DAB1: variants seen among roughly 807,000 people sequenced by gnomAD.
DAB1 encodes disabled homolog 1.
DAB1 carries 15 observed loss-of-function variants against 64.6 expected under a neutral mutation model. That is an observed-to-expected ratio of 0.23 (90% confidence interval 0.16 to 0.36). The LOEUF is 0.36. DAB1 is among the 10% of genes least tolerant of loss of function. DAB1 has a pLI of 1.00. For synonymous variants in DAB1, 235 were observed against 251.9 expected (o/e 0.93, Z 0.64); for missense variants, 596 against 706.7 (o/e 0.84, Z 1.78).
intron 7 of DAB1, among the ~76,000 whole-genome samples, chr1:57,485,437 T>A (rs1342974122): frequency 6.6e-6 from 1 of 152,220 alleles, no homozygotes; most frequent in Non-Finnish European, 1.5e-5. Flanking sequence ...ATAAGTAAGA[T>A]AATGCATGTA....
At chr1:58,433,592 A>AGTGT (rs1266210842) in intron 3 of DAB1, among the ~76,000 whole-genome samples, 171 of 100,778 alleles carry the variant, frequency 1.7e-3, no homozygotes, top group Middle Eastern at 4.9e-3. Context: ...AGAGAGAGAG[A>AGTGT]GAGAGTGTGT....
At chr1:58,267,334 G>A (rs1661194475) in intron 4 of DAB1, among the ~76,000 whole-genome samples, 1 of 152,178 alleles carries the variant, frequency 6.6e-6, no homozygotes, top group Non-Finnish European at 1.5e-5. Flanking sequence ...AGACAGAGAT[G>A]CTCAAAAAGT....
intron 1 of DAB1, among the ~76,000 whole-genome samples, chr1:57,412,237 C>T (rs1284047301): frequency 6.6e-6 from 1 of 152,204 alleles, no homozygotes; most frequent in Non-Finnish European, 1.5e-5. Context: ...TTCCTCTGGC[C>T]TCCCAATTCA....
intron 3 of DAB1, among the ~76,000 whole-genome samples, chr1:58,458,336 C>T (rs1645210616): frequency 6.6e-6 from 1 of 152,164 alleles, no homozygotes; most frequent in Admixed American, 6.5e-5. Context: ...TTGCCTCTAC[C>T]CCTCAAAGAT....
intron 1 of DAB1, among the ~76,000 whole-genome samples, chr1:57,317,209 G>C (rs958144690): frequency 1.3e-5 from 2 of 152,078 alleles, no homozygotes; most frequent in Non-Finnish European, 2.9e-5. Context: ...AGGAACTGAG[G>C]TCCACCAACG....
At chr1:58,399,744 A>C (rs1158824278) in intron 3 of DAB1, among the ~76,000 whole-genome samples, 1 of 152,200 alleles carries the variant, frequency 6.6e-6, no homozygotes, top group African/African-American at 2.4e-5. Context: ...CAACACTTTA[A>C]TCCTACAACA....
At chr1:57,591,504 G>A (rs549630934) in intron 7 of DAB1, among the ~76,000 whole-genome samples, 1 of 152,104 alleles carries the variant, frequency 6.6e-6, no homozygotes, top group Admixed American at 6.5e-5. Flanking sequence ...TTCTGACTGG[G>A]GTCAGTGTAT....
chr1:58,126,453 TTC>T (rs1160976299), intron 5 of DAB1, among the ~76,000 whole-genome samples: 1 of 112,772 alleles, frequency 8.9e-6, no homozygotes, highest in East Asian at 5.0e-4. Flanking sequence ...TTTTCTTTTT[TTC>T]TTTTTTTTTT....
chr1:57,833,706 G>C (rs1425459887), intron 1 of DAB1, among the ~76,000 whole-genome samples: 1 of 152,176 alleles, frequency 6.6e-6, no homozygotes, highest in Admixed American at 6.5e-5. Flanking sequence ...CTCATGAGGA[G>C]AGCTGAATAT....
intron 6 of DAB1, among the ~76,000 whole-genome samples, chr1:57,767,413 C>T (rs1056652926): frequency 2.6e-5 from 4 of 152,178 alleles, no homozygotes; most frequent in Middle Eastern, 3.2e-3. Flanking sequence ...TCTTATGCTA[C>T]ACTGCTCAAA....
At chr1:58,077,500 GA>G (rs1424202607) in intron 5 of DAB1, among the ~76,000 whole-genome samples, 1 of 152,228 alleles carries the variant, frequency 6.6e-6, no homozygotes, top group Admixed American at 6.5e-5. Flanking sequence ...CAATGGATAG[GA>G]AGAGAGAAAT....
intron 9 of DAB1, among the ~76,000 whole-genome samples, chr1:57,032,102 T>A (rs835447): frequency 0.41 from 62,302 of 151,886 alleles, 13,034 homozygotes; most frequent in Middle Eastern, 0.5. Flanking sequence ...TTCCAACTAG[T>A]TCACTGCAAC....
At chr1:57,434,589 C>T (rs893051098) in intron 7 of DAB1, among the ~76,000 whole-genome samples, 7 of 152,268 alleles carry the variant, frequency 4.6e-5, no homozygotes, top group South Asian at 2.1e-4. Context: ...TACCGTTTAA[C>T]GACAGGGATA....
At chr1:57,540,252 C>T (rs1449419780) in intron 7 of DAB1, among the ~76,000 whole-genome samples, 1 of 152,162 alleles carries the variant, frequency 6.6e-6, no homozygotes, top group African/African-American at 2.4e-5. Context: ...ATGATATCAT[C>T]TTACCCCAGT....
At chr1:57,041,259 G>A (rs1453436473) in intron 9 of DAB1, among the ~76,000 whole-genome samples, 1 of 152,274 alleles carries the variant, frequency 6.6e-6, no homozygotes, top group East Asian at 1.9e-4. Context: ...TGATTATCAA[G>A]GCATTAATTT....
At chr1:57,951,317 C>CATATACATATATATATATATATATATAT (rs1645271711) in intron 5 of DAB1, among the ~76,000 whole-genome samples, 2 of 69,810 alleles carry the variant, frequency 2.9e-5, no homozygotes, top group African/African-American at 8.3e-5. Context: ...GAGCCTGATT[C>CATATACATATATATATATATATATATAT]ATATATATAT....
chr1:57,333,561 T>G (rs143947086), intron 1 of DAB1, among the ~76,000 whole-genome samples: 258 of 152,332 alleles, frequency 1.7e-3, no homozygotes, highest in Middle Eastern at 0.01. Context: ...AAATTGTGTG[T>G]AACCAACCAA....
chr1:58,342,690 C>A (rs1643953580), intron 4 of DAB1, among the ~76,000 whole-genome samples: 1 of 152,114 alleles, frequency 6.6e-6, no homozygotes. Context: ...TATCAAAGTT[C>A]ATAATCCAAA....
intron 6 of DAB1, among the ~76,000 whole-genome samples, chr1:57,678,912 G>A (rs987135462): frequency 1.4e-5 from 2 of 146,128 alleles, no homozygotes; most frequent in African/African-American, 2.6e-5. Flanking sequence ...GACTACAAGC[G>A]CCTGCCACCA....
Sources: allele counts gnomAD v4.1 joint callset (sites outside exome capture counted in the v4.1 genomes callset), GRCh38; gene constraint gnomAD v4.1.1; transcripts MANE v1.5; gene names NCBI Gene and HGNC (gene_info 2026-07-23, HGNC 2026-07-21).